DPPA4: variants seen among roughly 807,000 people sequenced by gnomAD.
DPPA4 encodes developmental pluripotency-associated protein 4.
Under a neutral mutation model 33.7 loss-of-function variants are expected in DPPA4, and 22 were observed. That is an observed-to-expected ratio of 0.65 (90% CI 0.47 to 0.93). The LOEUF is 0.93. DPPA4 is among the 40% of genes least tolerant of loss of function. The pLI, the probability that DPPA4 is intolerant of heterozygous loss-of-function variation, is 0.00. For missense variants in DPPA4, 340 were observed against 358.6 expected, an observed-to-expected ratio of 0.95 and a Z score of 0.42; for synonymous variants, 156 against 132.3, an observed-to-expected ratio of 1.18 and a Z score of -1.23.
Position 109,331,866 on chromosome 3 carries a change from C to G in DPPA4, c.339+5G>C. ...AGCAGCACCGTCCCCAGCCTGGGAC[C>G]TCACCTGGCCTTTGGAGCTCAGCTT... On this transcript the variant is annotated splice_donor_5th_base_variant and intron_variant, in intron 3 of 6. Transcript: ENST00000335658. 1 of 1,613,668 alleles carries G rather than the reference C, an allele frequency of 6.2e-7. No individual in the cohort carries two copies. The highest frequency in any genetic ancestry group is 8.5e-7 in the Non-Finnish European group (1 of 1,179,658).
chr3:109,330,760 T>A lies in DPPA4; in HGVS notation c.443A>T (p.Lys148Ile). Residue 148 changes from lysine (K) to isoleucine (I), a missense_variant, in exon 5 of 7, where the codon AAA becomes ATA. By Grantham distance (102) the Lys-to-Ile change is moderately radical. This residue lies in a region of DPPA4 where 212 missense variants were observed against 206.5 expected (regional missense o/e 1.03). Coordinates refer to ENST00000335658, the MANE Select transcript of DPPA4 (RefSeq NM_018189.4). ...EAKIRKSLQK[K>I]LKVEKGETSL... ...CGTTTCCCCCTTTTCCACCTTTAAT[T>A]TTTTTTGCAATGATTTCCGGATTTT... The A allele has an allele frequency of 1.2e-6, 2 of 1,613,720 alleles. No individual in the cohort carries two copies. The highest frequency in any genetic ancestry group is 4.5e-5 in the East Asian group (2 of 44,870).
intron 1 of DPPA4, among the ~76,000 whole-genome samples, chr3:109,334,199 T>G (rs769802188): frequency 3.3e-5 from 5 of 152,188 alleles, no homozygotes; most frequent in Admixed American, 6.5e-5. Context: ...GGAAGCCAGT[T>G]TGAAAGCACA....
In DPPA4 at chr3:109,337,213, T is replaced by C. The variant is rs74284527; in HGVS notation, c.54+251A>G. On this transcript the variant is annotated intron_variant, in intron 1 of 6. Transcript: ENST00000335658. ...CCGCGCCCGGCCTCTTTTTTTTTTT[T>C]CCCCATCTTTTGACACACTCAACCT... 1.5e-3 allele frequency among the ~76,000 whole-genome samples: 220 copies of C among 151,132 alleles called. 1 individual carries two copies. Among genetic ancestry groups the C allele is most frequent in the East Asian group, 0.01 (53 of 5,142 alleles).
intron 6 of DPPA4, 44 bp from the exon 7 acceptor site, chr3:109,328,068 AT>A (rs1707976184): frequency 7.8e-7 from 1 of 1,278,680 alleles, no homozygotes; most frequent in African/African-American, 1.5e-5. Context: ...GAATGAAGAA[AT>A]ATTAAAAATA....
rs1272062224 is a variant in DPPA4 at position 109,329,290 on chromosome 3, C to T, written c.680-202G>A. ...GTGGCTCACGCTTGTAATCCCAGCA[C>T]TTTGGGAGGCCGAGGCGGGTGGATC... On this transcript the variant is annotated intron_variant, in intron 5 of 6. Transcript: ENST00000335658. 6 of 552,016 alleles carry T rather than the reference C, an allele frequency of 1.1e-5. No individual in the cohort carries two copies. In the Admixed American group the frequency reaches 1.3e-4, roughly 12 times the overall value. 34.2% of individuals were successfully genotyped at this position (552,016 alleles called of 1,614,324 possible).
At chr3:109,330,900 T>G (rs554572158) in intron 4 of DPPA4, 88 bp from the exon 5 acceptor site, 35 of 1,240,294 alleles carry the variant, frequency 2.8e-5, no homozygotes, top group Non-Finnish European at 3.4e-5. Context: ...AAATACAAAG[T>G]TTCACTTAGG....
chr3:109,337,535 T>G lies in DPPA4; in HGVS notation c.-18A>C. The G allele has an allele frequency of 6.2e-7, 1 of 1,613,878 alleles. No homozygotes were observed. The highest frequency in any genetic ancestry group is 8.5e-7 in the Non-Finnish European group (1 of 1,179,774). ...CGCAACATGCTTCCAAAATGGCCCC[T>G]GCCCCAAGATTGCTATTTGCAAAGT... On this transcript the variant is annotated 5_prime_UTR_variant, in exon 1 of 7. Transcript: ENST00000335658.
At position 109,328,927 on chromosome 3, in the gene DPPA4, G is replaced by GGT; in HGVS notation, c.839_840dup (p.Leu281ThrfsTer18). ...TTGGGGCACAACATATTGTCTTCAA[G>GGT]GTGCGGGGGTGGAAAATTGGAGGCA... On this transcript the variant is annotated frameshift_variant, in exon 6 of 7. Coordinates refer to ENST00000335658, the MANE Select transcript of DPPA4 (RefSeq NM_018189.4). LOFTEE classifies it high-confidence loss of function. The GGT allele has an allele frequency of 6.2e-7, 1 of 1,614,024 alleles. No homozygotes were observed. The highest frequency in any genetic ancestry group is 8.5e-7 in the Non-Finnish European group (1 of 1,179,962).
At chr3:109,334,306 G>T (rs1010179542) in intron 1 of DPPA4, among the ~76,000 whole-genome samples, 1 of 152,176 alleles carries the variant, frequency 6.6e-6, no homozygotes, top group Admixed American at 6.5e-5. Flanking sequence ...GAGTGCTATA[G>T]GAGGCCTAGG....
In DPPA4 at chr3:109,328,107, T is replaced by A. The variant is rs920546521; in HGVS notation, c.879-83A>T. On this transcript the variant is annotated intron_variant, in intron 6 of 6. Coordinates refer to ENST00000335658, the MANE Select transcript of DPPA4 (RefSeq NM_018189.4). ...CAAGAAACCCGCTGCTGGAATGCTG[T>A]TGAAATTGCCCTTACAACTTTAGGA... 3 of 888,420 alleles carry A rather than the reference T, an allele frequency of 3.4e-6. No homozygotes were observed. The African/African-American group carries it at 5.0e-5, about 15-fold the overall frequency. 55.0% of individuals were successfully genotyped at this position (888,420 alleles called of 1,614,324 possible).
At chr3:109,331,337 T>C (rs1708071051) in intron 4 of DPPA4, among the ~76,000 whole-genome samples, 1 of 125,678 alleles carries the variant, frequency 8.0e-6, no homozygotes, top group African/African-American at 3.1e-5. Flanking sequence ...AAAAAGAAAA[T>C]TGCTGGCCAG....
In DPPA4 at chr3:109,330,739, T is replaced by TCC; in HGVS notation, c.462_463dup (p.Glu155GlyfsTer41). 6.2e-7 allele frequency: 1 copy of TCC among 1,614,084 alleles called. No individual in the cohort carries two copies. Among genetic ancestry groups the TCC allele is most frequent in the Non-Finnish European group, 8.5e-7 (1 of 1,180,026 alleles). The stretch of plus-strand genomic sequence containing the variant: ...TGTCTCAGAACTTTGCAGGGACGTT[T>TCC]CCCCCTTTTCCACCTTTAATTTTTT... On this transcript the variant is annotated frameshift_variant, in exon 5 of 7. Transcript: ENST00000335658. LOFTEE classifies it high-confidence loss of function.
At chr3:109,336,986 C>G (rs1708228095) in intron 1 of DPPA4, among the ~76,000 whole-genome samples, 1 of 152,140 alleles carries the variant, frequency 6.6e-6, no homozygotes, top group African/African-American at 2.4e-5. Context: ...CCGCAACCCC[C>G]GACTCCCGGG....
At chr3:109,337,430 A>C (rs1708236950) in intron 1 of DPPA4, 34 bp downstream of exon 1, 1 of 1,604,590 alleles carries the variant, frequency 6.2e-7, no homozygotes, top group African/African-American at 1.3e-5. Context: ...ACACAAAGAC[A>C]GACAGAAAAC....
At chr3:109,335,197 G>T (rs1708166159) in intron 1 of DPPA4, among the ~76,000 whole-genome samples, 2 of 152,126 alleles carry the variant, frequency 1.3e-5, no homozygotes, top group African/African-American at 2.4e-5. Flanking sequence ...CTGTCACACA[G>T]GCTGGAGTGC....
chr3:109,334,484 G>C (rs1708151112), intron 1 of DPPA4, among the ~76,000 whole-genome samples: 1 of 151,836 alleles, frequency 6.6e-6, no homozygotes, highest in East Asian at 1.9e-4. Flanking sequence ...GAGGTAGGTA[G>C]AGGCTGCACC....
upstream of DPPA4, among the ~76,000 whole-genome samples, chr3:109,338,443 T>C (rs555469507): frequency 1.3e-3 from 194 of 152,358 alleles, no homozygotes; most frequent in African/African-American, 4.5e-3. Context: ...CCCTGTCAGA[T>C]TGTCAAGAGA....
At chr3:109,336,680 A>T (rs2107353831) in intron 1 of DPPA4, among the ~76,000 whole-genome samples, 1 of 152,136 alleles carries the variant, frequency 6.6e-6, no homozygotes, top group Admixed American at 6.5e-5. Context: ...CCCCATATTC[A>T]GTTAGTTCTT....
chr3:109,331,279 A>G (rs1164368898), intron 4 of DPPA4, among the ~76,000 whole-genome samples: 45 of 147,890 alleles, frequency 3.0e-4, no homozygotes, highest in African/African-American at 8.9e-4. Context: ...AAAAAAAAAA[A>G]AAAAAGAAAG....
Sources: gnomAD v4.1 joint callset for allele counts (sites outside exome capture counted in the v4.1 genomes callset) on GRCh38, gnomAD v4.1.1 for gene constraint, gnomAD v4.1.1 regional missense constraint, MANE v1.5 for transcripts, NCBI Gene and HGNC (gene_info 2026-07-23, HGNC 2026-07-21) for gene names.